Variants in LRMDA observed in about 807,000 individuals in gnomAD.
The protein encoded by LRMDA is leucine-rich melanocyte differentiation-associated protein.
LRMDA carries 18 observed loss-of-function variants against 29.8 expected under a neutral mutation model. The ratio of observed to expected loss-of-function variants is 0.60; its 90% confidence interval spans 0.42 to 0.90. LRMDA has a LOEUF of 0.90. Among genes scored for constraint, LRMDA ranks in the 40% least tolerant of loss-of-function variants. The pLI is 0.00. For synonymous variants in LRMDA, 125 were observed against 109.4 expected (o/e 1.14, Z -0.89); for missense variants, 273 against 273.9 (o/e 1.00, Z 0.02).
intron 2 of LRMDA, among the ~76,000 whole-genome samples, chr10:75,617,876 GTA>G (rs1330214609): frequency 2.0e-5 from 3 of 152,226 alleles, no homozygotes; most frequent in Admixed American, 6.5e-5. Flanking sequence ...GGAGTAAGCA[GTA>G]GGAGACCTGG....
At chr10:75,969,072 C>A (rs2036530655) in intron 2 of LRMDA, among the ~76,000 whole-genome samples, 1 of 152,172 alleles carries the variant, frequency 6.6e-6, no homozygotes, top group African/African-American at 2.4e-5. Context: ...CACTGACAGC[C>A]ACTGTTGGCT....
intron 6 of LRMDA, among the ~76,000 whole-genome samples, chr10:76,517,210 CT>C (rs1843070959): frequency 6.6e-6 from 1 of 152,064 alleles, no homozygotes; most frequent in Non-Finnish European, 1.5e-5. Flanking sequence ...GCTGAGAATT[CT>C]TCAAAATGAT....
intron 5 of LRMDA, among the ~76,000 whole-genome samples, chr10:76,162,685 T>C (rs1216940156): frequency 6.6e-6 from 1 of 152,092 alleles, no homozygotes; most frequent in African/African-American, 2.4e-5. Context: ...GCTGAGGCAT[T>C]TGTGAGAAAT....
chr10:76,293,997 A>G (rs75001647), intron 5 of LRMDA, among the ~76,000 whole-genome samples: 4,556 of 152,272 alleles, frequency 0.03, 232 homozygotes, highest in African/African-American at 0.1. Context: ...GCTTGTTTTT[A>G]ATAATGCTTT....
At chr10:75,730,814 A>G (rs1842687838) in intron 2 of LRMDA, among the ~76,000 whole-genome samples, 1 of 152,090 alleles carries the variant, frequency 6.6e-6, no homozygotes, top group Admixed American at 6.5e-5. Flanking sequence ...GAAGAAAGAA[A>G]ATTAATTATT....
At chr10:76,386,718 G>T (rs924895960) in intron 6 of LRMDA, among the ~76,000 whole-genome samples, 1 of 152,068 alleles carries the variant, frequency 6.6e-6, no homozygotes, top group Admixed American at 6.5e-5. Flanking sequence ...ATTATTGACA[G>T]ATTTTATAAC....
At chr10:75,957,209 A>G (rs1387895288) in intron 2 of LRMDA, among the ~76,000 whole-genome samples, 1 of 152,244 alleles carries the variant, frequency 6.6e-6, no homozygotes, top group African/African-American at 2.4e-5. Context: ...ATTTGAGTAC[A>G]TTTAGCTGAA....
intron 6 of LRMDA, among the ~76,000 whole-genome samples, chr10:76,338,782 A>G (rs936207869): frequency 6.6e-6 from 1 of 152,238 alleles, no homozygotes; most frequent in African/African-American, 2.4e-5. Flanking sequence ...TACTGGAATT[A>G]AAGGACAGAA....
intron 2 of LRMDA, among the ~76,000 whole-genome samples, chr10:75,948,648 G>T (rs928021720): frequency 2.0e-5 from 3 of 152,108 alleles, no homozygotes; most frequent in African/African-American, 7.2e-5. Flanking sequence ...TTTAGGATTT[G>T]GTTTCTACTG....
intron 2 of LRMDA, among the ~76,000 whole-genome samples, chr10:75,844,043 G>A (rs774609976): frequency 4.9e-4 from 74 of 152,168 alleles, no homozygotes; most frequent in Non-Finnish European, 7.2e-4. Context: ...CCCTCTCAGT[G>A]AGTGACTCCC....
At chr10:75,579,236 G>C (rs1840553948) in intron 2 of LRMDA, among the ~76,000 whole-genome samples, 1 of 151,936 alleles carries the variant, frequency 6.6e-6, no homozygotes, top group Non-Finnish European at 1.5e-5. Flanking sequence ...ATGATAAAGG[G>C]GATATCACCA....
At chr10:75,435,546 C>T (rs576095622) in intron 1 of LRMDA, among the ~76,000 whole-genome samples, 14 of 152,314 alleles carry the variant, frequency 9.2e-5, no homozygotes, top group African/African-American at 2.6e-4. Context: ...GATTACTTAT[C>T]GAGTTGGTTC....
chr10:75,759,391 C>A (rs1367871079), intron 2 of LRMDA, among the ~76,000 whole-genome samples: 2 of 152,162 alleles, frequency 1.3e-5, no homozygotes, highest in African/African-American at 2.4e-5. Flanking sequence ...ACTCTATAGA[C>A]CCATTTCTTT....
At chr10:75,512,792 GT>G (rs1040858999) in intron 2 of LRMDA, among the ~76,000 whole-genome samples, 1 of 152,154 alleles carries the variant, frequency 6.6e-6, no homozygotes, top group Non-Finnish European at 1.5e-5. Context: ...GTGTGCATGT[GT>G]GCTTTATGTC....
At chr10:76,350,386 T>C (rs895894273) in intron 6 of LRMDA, among the ~76,000 whole-genome samples, 3 of 151,910 alleles carry the variant, frequency 2.0e-5, no homozygotes, top group East Asian at 3.9e-4. Flanking sequence ...TTTCAAAAAA[T>C]AATTAAGTCA....
chr10:75,618,511 TTATA>T (rs59150541), intron 2 of LRMDA, among the ~76,000 whole-genome samples: 14 of 141,354 alleles, frequency 9.9e-5, no homozygotes, highest in Admixed American at 2.9e-4. Context: ...ACCATATATA[TTATA>T]TATATATATA....
chr10:75,849,092 C>G (rs185514069), intron 2 of LRMDA, among the ~76,000 whole-genome samples: 134 of 152,288 alleles, frequency 8.8e-4, no homozygotes, highest in Non-Finnish European at 1.6e-3. Flanking sequence ...TCCAACTCCT[C>G]CTATAGGACA....
chr10:75,919,691 A>G (rs888980928), intron 2 of LRMDA, among the ~76,000 whole-genome samples: 23 of 152,272 alleles, frequency 1.5e-4, no homozygotes, highest in Middle Eastern at 6.8e-3. Flanking sequence ...ATCTTTAGGC[A>G]TTCTGTAAAG....
At chr10:76,281,728 G>C (rs1840208681) in intron 5 of LRMDA, among the ~76,000 whole-genome samples, 1 of 152,110 alleles carries the variant, frequency 6.6e-6, no homozygotes, top group South Asian at 2.1e-4. Context: ...TTACCTGACA[G>C]ACCCCTAAAT....
Sources: allele counts gnomAD v4.1 joint callset (sites outside exome capture counted in the v4.1 genomes callset), GRCh38; gene constraint gnomAD v4.1.1; transcripts MANE v1.5; gene names NCBI Gene and HGNC (gene_info 2026-07-23, HGNC 2026-07-21).